Variants in KLHL32 observed in about 807,000 individuals in gnomAD.
KLHL32 encodes the protein kelch-like protein 32.
In KLHL32, 35 loss-of-function variants were observed where a neutral mutation model predicts 64.8. That is an observed-to-expected ratio of 0.54 (90% CI 0.41 to 0.72). KLHL32 has a LOEUF of 0.72. Ranked by LOEUF, KLHL32 falls within the 30% of genes least tolerant of loss-of-function variation. KLHL32 has a pLI of 0.00. For missense variants in KLHL32, 589 were observed against 768.5 expected, an observed-to-expected ratio of 0.77 and a Z score of 2.76; for synonymous variants, 259 against 281.0, an observed-to-expected ratio of 0.92 and a Z score of 0.78.
chr6:96,992,694 C>T (rs1778024064), intron 3 of KLHL32, among the ~76,000 whole-genome samples: 1 of 152,364 alleles, frequency 6.6e-6, no homozygotes, highest in South Asian at 2.1e-4. Context: ...TCTTCCACCA[C>T]AATGCCCCTC....
intron 5 of KLHL32, among the ~76,000 whole-genome samples, chr6:97,068,681 T>A (rs1173383864): frequency 6.6e-6 from 1 of 152,206 alleles, no homozygotes; most frequent in African/African-American, 2.4e-5. Flanking sequence ...TTTGTTCTAA[T>A]TTGAATGTAA....
At chr6:96,922,651 A>G (rs1768785931), upstream of KLHL32, among the ~76,000 whole-genome samples, 1 of 152,214 alleles carries the variant, frequency 6.6e-6, no homozygotes, top group South Asian at 2.1e-4. Context: ...TGAACAAATA[A>G]TAAGTATTCC....
chr6:97,077,329 A>C (rs1791755864), intron 5 of KLHL32, among the ~76,000 whole-genome samples: 1 of 151,922 alleles, frequency 6.6e-6, no homozygotes, highest in Non-Finnish European at 1.5e-5. Context: ...TTGTGACAAA[A>C]GAGTCTCAAA....
chr6:97,096,871 C>A (rs1374350496), intron 6 of KLHL32, among the ~76,000 whole-genome samples: 1 of 152,198 alleles, frequency 6.6e-6, no homozygotes, highest in Non-Finnish European at 1.5e-5. Flanking sequence ...GATATTCCTG[C>A]CCTTGGTTTT....
chr6:97,113,118 G>T (rs1020436373), intron 6 of KLHL32, among the ~76,000 whole-genome samples: 11 of 151,980 alleles, frequency 7.2e-5, no homozygotes, highest in Non-Finnish European at 1.6e-4. Flanking sequence ...TCTTACATGT[G>T]CAAATTACAA....
chr6:97,004,239 C>T (rs760930870), intron 3 of KLHL32, among the ~76,000 whole-genome samples: 4 of 152,012 alleles, frequency 2.6e-5, no homozygotes, highest in East Asian at 1.9e-4. Context: ...TTATGGCCAT[C>T]GTGAATGTGA....
chr6:97,050,008 C>T (rs1326204718), intron 4 of KLHL32, among the ~76,000 whole-genome samples: 1 of 152,140 alleles, frequency 6.6e-6, no homozygotes, highest in Non-Finnish European at 1.5e-5. Flanking sequence ...CCAGTCTGTT[C>T]TCCTTTATTA....
chr6:97,081,801 C>CTA (rs1332174678), intron 5 of KLHL32, among the ~76,000 whole-genome samples: 2 of 152,154 alleles, frequency 1.3e-5, no homozygotes, highest in African/African-American at 4.8e-5. Context: ...ACTATATATA[C>CTA]CATAAGGCCT....
chr6:96,933,503 G>A (rs1179411442), intron 1 of KLHL32, among the ~76,000 whole-genome samples: 6 of 152,202 alleles, frequency 3.9e-5, no homozygotes, highest in Non-Finnish European at 5.9e-5. Flanking sequence ...GTGGCCAACT[G>A]TTGACCAAGA....
rs1050598422 is a variant in KLHL32 at position 96,960,236 on chromosome 6, A to G, written c.-65-6760A>G. The stretch of plus-strand genomic sequence containing the variant: ...TAACACGACACTGAGAAAGGCCTGC[A>G]CTGCCACTCACATGATGACCTGTGC... On this transcript the variant is annotated intron_variant, in intron 1 of 10. Coordinates refer to ENST00000369261, the MANE Select transcript of KLHL32 (RefSeq NM_052904.4). Among the ~76,000 whole-genome samples the G allele has an allele frequency of 2.2e-4, 34 of 152,286 alleles. 1 individual carries two copies. The highest frequency in any genetic ancestry group is 3.4e-3 in the Middle Eastern group (1 of 294).
intron 3 of KLHL32, among the ~76,000 whole-genome samples, chr6:96,988,622 A>C (rs199732726): frequency 0.13 from 19,060 of 151,798 alleles, 1,170 homozygotes; most frequent in East Asian, 0.25. Flanking sequence ...CCAAAGGATT[A>C]TAAATCATGC....
intron 9 of KLHL32, among the ~76,000 whole-genome samples, chr6:97,131,169 A>T (rs1562368110): frequency 6.6e-6 from 1 of 152,156 alleles, no homozygotes; most frequent in African/African-American, 2.4e-5. Context: ...TACTACCATT[A>T]TGCACATCCT....
chr6:97,019,996 A>G (rs1252910327), intron 3 of KLHL32, among the ~76,000 whole-genome samples: 1 of 143,780 alleles, frequency 7.0e-6, no homozygotes, highest in Non-Finnish European at 1.5e-5. Flanking sequence ...CGCCCAGGCT[A>G]GAGTGCAGCA....
At chr6:96,936,072 T>C (rs1171604013) in intron 1 of KLHL32, among the ~76,000 whole-genome samples, 1 of 152,210 alleles carries the variant, frequency 6.6e-6, no homozygotes, top group Non-Finnish European at 1.5e-5. Context: ...CTGCCTTTGG[T>C]GTCACTGTAC....
At position 96,927,843 on chromosome 6, in the gene KLHL32, C is replaced by G. The variant is rs549239390; in HGVS notation, c.-66+2817C>G. Among the ~76,000 whole-genome samples the G allele has an allele frequency of 2.0e-5, 3 of 152,316 alleles. No individual in the cohort carries two copies. The East Asian group carries it at 5.8e-4, about 29-fold the overall frequency. ...GATACCGTCTCTGCCCTCAATGATT[C>G]AGAGCAAACACACTGCTCCTGGCAG... On this transcript the variant is annotated intron_variant, in intron 1 of 10. Transcript: ENST00000369261.
At chr6:97,068,934 G>A (rs941735596) in intron 5 of KLHL32, among the ~76,000 whole-genome samples, 1 of 152,288 alleles carries the variant, frequency 6.6e-6, no homozygotes, top group South Asian at 2.1e-4. Context: ...TGTGAAAGAC[G>A]TGACCTGCAA....
intron 5 of KLHL32, among the ~76,000 whole-genome samples, chr6:97,068,631 T>G (rs2128159366): frequency 1.3e-5 from 2 of 152,366 alleles, no homozygotes; most frequent in South Asian, 4.1e-4. Context: ...TGTCTTGGGC[T>G]GCTGTGGTCA....
intron 3 of KLHL32, among the ~76,000 whole-genome samples, chr6:97,007,129 A>G (rs1398147361): frequency 2.0e-5 from 3 of 152,008 alleles, no homozygotes; most frequent in Non-Finnish European, 4.4e-5. Context: ...AGGGATGCTA[A>G]TGAATTGTAG....
intron 3 of KLHL32, among the ~76,000 whole-genome samples, chr6:97,011,503 A>G (rs1780401760): frequency 6.6e-6 from 1 of 152,234 alleles, no homozygotes. Context: ...TGCATAATGA[A>G]TGAGAAAAGT....
Sources: allele counts gnomAD v4.1 joint callset (sites outside exome capture counted in the v4.1 genomes callset), GRCh38; gene constraint gnomAD v4.1.1; transcripts MANE v1.5; gene names NCBI Gene and HGNC (gene_info 2026-07-23, HGNC 2026-07-21).